Variants in NCAPD3 observed in about 807,000 individuals in gnomAD.
NCAPD3 encodes non-SMC condensin II complex subunit D3, also known as condensin-2 complex subunit D3.
A neutral mutation model predicts 182.9 loss-of-function variants in NCAPD3; 105 were observed. The ratio of observed to expected loss-of-function variants is 0.57; its 90% CI spans 0.49 to 0.68. NCAPD3 has a LOEUF of 0.68. Ranked by LOEUF, NCAPD3 falls within the 30% of genes least tolerant of loss-of-function variation. NCAPD3 has a pLI of 0.00. For missense variants in NCAPD3, 1,944 were observed against 1,837.0 expected, an observed-to-expected ratio of 1.06 and a Z score of -1.07; for synonymous variants, 815 against 679.9, an observed-to-expected ratio of 1.20 and a Z score of -3.09.
Position 134,156,884 on chromosome 11 carries a change from C to T in NCAPD3, c.4252+134G>A, listed in dbSNP as rs1273870030. The T allele has an allele frequency of 4.0e-6, 3 of 741,978 alleles. No individual in the cohort carries two copies. In the Admixed American group the frequency reaches 7.4e-5, roughly 18 times the overall value. The allele number at this position is 741,978 out of a possible 1,614,324, so 46.0% of individuals were successfully genotyped here. On this transcript the variant is annotated intron_variant, in intron 32 of 34. Coordinates refer to ENST00000534548, the MANE Select transcript of NCAPD3 (RefSeq NM_015261.3). ...CCGTGGTCACTGTGAAATACTCCAC[C>T]TCAGCAATGCACTCATGGTTCTGAC...
chr11:134,180,920 C>G (rs561923020), intron 20 of NCAPD3, among the ~76,000 whole-genome samples, 157 bp downstream of exon 20: 1 of 152,218 alleles, frequency 6.6e-6, no homozygotes, highest in Non-Finnish European at 1.5e-5. Context: ...AATAGGTTAT[C>G]AATTTAAAAA....
intron 23 of NCAPD3, 128 bp from the exon 24 acceptor site, chr11:134,176,514 C>G (rs1408144086): frequency 4.1e-6 from 3 of 725,188 alleles, no homozygotes; most frequent in African/African-American, 1.7e-5. Context: ...GCACACACTT[C>G]CAAACCGTCG....
In NCAPD3 at chr11:134,194,698, A is replaced by C; in HGVS notation, c.1656T>G (p.Asp552Glu). ...VMAMLRRRIR[D>E]EKTNVRKSAL... ...CAGACTTCCTAACGTTGGTCTTCTC[A>C]TCCCTGATCCTCCTTCTCAGCATTG... Residue 552 changes from aspartate (D) to glutamate (E), a missense_variant, in exon 14 of 35, where the codon GAT becomes GAG. Around this residue, in one of 3 missense-constraint regions of NCAPD3, gnomAD observed 1,803 missense variants for 1,674.6 expected, o/e 1.08. Transcript: ENST00000534548. The C allele has an allele frequency of 6.2e-7, 1 of 1,609,936 alleles. No individual in the cohort carries two copies. Among genetic ancestry groups the C allele is most frequent in the African/African-American group, 1.3e-5 (1 of 74,666 alleles).
At chr11:134,165,957 T>G (rs1591827299) in intron 27 of NCAPD3, among the ~76,000 whole-genome samples, 1 of 93,884 alleles carries the variant, frequency 1.1e-5, no homozygotes, top group Admixed American at 1.2e-4. Flanking sequence ...GAGATGAGCT[T>G]GGGGGAGGGG....
Position 134,207,835 on chromosome 11 carries a change from T to A in NCAPD3, c.882+1029A>T. 1.3e-5 allele frequency among the ~76,000 whole-genome samples: 2 copies of A among 151,470 alleles called. 1 individual carries two copies. The highest frequency in any genetic ancestry group is 2.9e-5 in the Non-Finnish European group (2 of 67,978). The stretch of plus-strand genomic sequence containing the variant: ...CACCTATGTTATTGTTTAAAATATT[T>A]AAAAGGGCATGCGAATTAAAAACAT... On this transcript the variant is annotated intron_variant, in intron 7 of 34. Coordinates refer to ENST00000534548, the MANE Select transcript of NCAPD3 (RefSeq NM_015261.3).
intron 31 of NCAPD3, 57 bp from the exon 32 acceptor site, chr11:134,157,152 A>G: frequency 7.3e-7 from 1 of 1,373,842 alleles, no homozygotes; most frequent in South Asian, 1.3e-5. Context: ...ACGAAGAGCA[A>G]AACAACCACA....
chr11:134,194,727 T>C lies in NCAPD3; in HGVS notation c.1627A>G (p.Met543Val), dbSNP rs751153890. ...CTGATCCTCCTTCTCAGCATTGCCA[T>C]GACACATCTTTCTGTAGAGGGAATA... ...ETVGSGERCV[M>V]AMLRRRIRDE... Residue 543 changes from methionine to valine, a missense_variant, in exon 14 of 35, where the codon ATG (methionine) becomes GTG (valine). Physicochemically the swap from Met to Val is conservative, Grantham distance 21. Coordinates refer to ENST00000534548, the MANE Select transcript of NCAPD3 (RefSeq NM_015261.3). The C allele has an allele frequency of 2.5e-6, 4 of 1,605,562 alleles. No homozygotes were observed. The highest frequency in any genetic ancestry group is 3.4e-6 in the Non-Finnish European group (4 of 1,175,668).
intron 16 of NCAPD3, 109 bp from the exon 17 acceptor site, chr11:134,185,635 G>C (rs1035221258): frequency 1.2e-6 from 1 of 844,554 alleles, no homozygotes; most frequent in Non-Finnish European, 1.8e-6. Flanking sequence ...CAGGACTCAA[G>C]TGGCACATGA....
chr11:134,202,797 G>C lies in NCAPD3; in HGVS notation c.1615+19C>G. 1 of 1,543,886 alleles carries C rather than the reference G, an allele frequency of 6.5e-7. No individual in the cohort carries two copies. The highest frequency in any genetic ancestry group is 8.9e-7 in the Non-Finnish European group (1 of 1,129,256). On this transcript the variant is annotated intron_variant, in intron 13 of 34. Coordinates refer to ENST00000534548, the MANE Select transcript of NCAPD3 (RefSeq NM_015261.3). ...ATCCAGCAGTATTACCTATCTGACAGTGATAAAATCTGACATACCTCCAGA... is the reference window on the plus strand; with the variant it reads ...ATCCAGCAGTATTACCTATCTGACACTGATAAAATCTGACATACCTCCAGA...
chr11:134,168,253 G>A (rs1329581705), intron 26 of NCAPD3, 58 bp from the exon 27 acceptor site: 4 of 1,544,918 alleles, frequency 2.6e-6, no homozygotes, highest in Non-Finnish European at 2.7e-6. Context: ...GGCCCAGAGA[G>A]GAGGTGTAAT....
chr11:134,158,588 T>A, intron 29 of NCAPD3, 93 bp from the exon 30 acceptor site: 1 of 1,352,022 alleles, frequency 7.4e-7, no homozygotes, highest in Non-Finnish European at 1.0e-6. Flanking sequence ...GGGGTCCATA[T>A]GAGATTTTGA....
intron 27 of NCAPD3, among the ~76,000 whole-genome samples, chr11:134,167,260 T>C (rs1485425608): frequency 5.1e-4 from 53 of 104,334 alleles, no homozygotes; most frequent in African/African-American, 9.2e-4. Context: ...GAGATGAGCT[T>C]AGGGGAGCAG....
rs913888037 is a variant in NCAPD3 at position 134,157,833 on chromosome 11, G to A, written c.4174+95C>T. ...TTAACGTTATTTGTTTTAAAGATAA[G>A]AAAACACACCGCTTTGAAAGGAATA... is the stretch of plus-strand genomic sequence containing the variant. On this transcript the variant is annotated intron_variant, in intron 31 of 34. Transcript: ENST00000534548. The A allele has an allele frequency of 1.5e-5, 20 of 1,337,136 alleles. No individual in the cohort carries two copies. The African/African-American group carries it at 2.6e-4, about 18-fold the overall frequency. 82.8% of individuals were successfully genotyped at this position (1,337,136 alleles called of 1,614,324 possible). A position where few individuals can be genotyped will look rare whatever the true frequency, so the allele number is the denominator to read the frequency against.
chr11:134,160,111 TG>T, intron 28 of NCAPD3, 37 bp from the exon 29 acceptor site: 1 of 1,604,174 alleles, frequency 6.2e-7, no homozygotes, highest in Non-Finnish European at 8.5e-7. Context: ...CATGTTTTCT[TG>T]AATAAAAACG....
rs973348428 is a variant in NCAPD3 at position 134,160,047 on chromosome 11, G to A, written c.3712C>T (p.Leu1238Phe). ...REVMQDYRDE[L>F]KDFFAVDKQL... ...TTGTCAACTGCAAAGAAGTCCTTGA[G>A]CTCATCTCGGTAATCCTGCATCACC... The change falls in exon 29 of 35, where the codon CTC becomes TTC. Residue 1238 changes from leucine (L) to phenylalanine (F), a missense_variant. By Grantham distance (22) the Leu-to-Phe change is conservative. Around this residue, in one of 3 missense-constraint regions of NCAPD3, gnomAD observed 1,803 missense variants for 1,674.6 expected, o/e 1.08. Transcript: ENST00000534548. 6.2e-7 allele frequency: 1 copy of A among 1,614,120 alleles called. No individual in the cohort carries two copies. The highest frequency in any genetic ancestry group is 8.5e-7 in the Non-Finnish European group (1 of 1,180,032).
At chr11:134,187,090 C>A (rs561805233) in intron 16 of NCAPD3, among the ~76,000 whole-genome samples, 5 of 152,318 alleles carry the variant, frequency 3.3e-5, no homozygotes, top group African/African-American at 9.6e-5. Flanking sequence ...CCACTCCCAG[C>A]CAGCCTCCCA....
rs1943473250 is a variant in NCAPD3, at chr11:134,158,049, G to A, written c.4053C>T (p.Thr1351=). 1 of 1,614,042 alleles carries A rather than the reference G, an allele frequency of 6.2e-7. No homozygotes were observed. Among genetic ancestry groups the A allele is most frequent in the Non-Finnish European group, 8.5e-7 (1 of 1,179,994 alleles). ...LPKARPMSLS[T]IAILNSVKKA... ...TCTTGACAGAATTCAGGATTGCAAT[G>A]GTGCTCAGGGACATGGGCCTGTGGA... Residue 1351 remains threonine (T), a synonymous_variant, in exon 31 of 35, where the codon ACC becomes ACT. Transcript: ENST00000534548.
chr11:134,222,079 G>C (rs912938563), intron 1 of NCAPD3, among the ~76,000 whole-genome samples: 2 of 152,204 alleles, frequency 1.3e-5, no homozygotes, highest in African/African-American at 4.8e-5. Flanking sequence ...GGCAGTAACT[G>C]GCCCTGTTAT....
Position 134,185,372 on chromosome 11 carries a change from A to G in NCAPD3, c.2200T>C (p.Tyr734His), listed in dbSNP as rs1434917189. 2 of 1,613,454 alleles carry G rather than the reference A, an allele frequency of 1.2e-6. No individual in the cohort carries two copies. The highest frequency in any genetic ancestry group is 1.7e-5 in the Admixed American group (1 of 59,912). ...TCCCAAGATTGTATTATTCTGCTGT[A>G]GTCCAGCCTGGGTGAGGAGCCAGCA... Reference protein sequence around the residue: ...KIAGSSPRLDYSRIIQSWEKI... With the variant: ...KIAGSSPRLDHSRIIQSWEKI... Residue 734 changes from tyrosine (Y) to histidine (H), a missense_variant, in exon 17 of 35, where the codon TAC (tyrosine) becomes CAC (histidine). Tyr to His is a moderately conservative substitution (Grantham distance 83). This residue lies in a region of NCAPD3 where 1,803 missense variants were observed against 1,674.6 expected (regional missense o/e 1.08). Transcript: ENST00000534548.
Sources: gnomAD v4.1 joint callset for allele counts (sites outside exome capture counted in the v4.1 genomes callset) on GRCh38, gnomAD v4.1.1 for gene constraint, gnomAD v4.1.1 regional missense constraint, MANE v1.5 for transcripts, NCBI Gene and HGNC (gene_info 2026-07-23, HGNC 2026-07-21) for gene names.